The following CEP63 variants were observed in gnomAD, a reference collection of about 807,000 sequenced individuals.
CEP63 encodes centrosomal protein 63, also known as centrosomal protein of 63 kDa.
Under a neutral mutation model 89.1 loss-of-function variants are expected in CEP63, and 84 were observed. The ratio of observed to expected loss-of-function variants is 0.94; its 90% CI spans 0.79 to 1.13. CEP63 has a LOEUF of 1.13. CEP63 is among the 50% of genes most tolerant of loss of function. The pLI, the probability that CEP63 is intolerant of heterozygous loss-of-function variation, is 0.00. For synonymous variants in CEP63, 267 were observed against 272.5 expected (o/e 0.98, Z 0.20); for missense variants, 838 against 813.3 (o/e 1.03, Z -0.37).
chr3:134,718,553 G>T, the CEP63 span, among the ~76,000 whole-genome samples: 1 of 152,114 alleles, frequency 6.6e-6, no homozygotes, highest in South Asian at 2.1e-4. Context: ...TGCCCTGTGG[G>T]TTAGACAGAA....
chr3:134,521,487 C>G (rs1371562531), intron 3 of CEP63, among the ~76,000 whole-genome samples: 2 of 152,134 alleles, frequency 1.3e-5, no homozygotes, highest in African/African-American at 4.8e-5. Flanking sequence ...TTGAACATGA[C>G]TTAGCATGTT....
At chr3:134,701,285 C>T in the CEP63 span, among the ~76,000 whole-genome samples, 1 of 52,306 alleles carries the variant, frequency 1.9e-5, no homozygotes, top group African/African-American at 4.0e-5. Flanking sequence ...CACATATATA[C>T]GTATATATGT....
At chr3:134,647,325 G>A in the CEP63 span, 60 of 866,934 alleles carry the variant, frequency 6.9e-5, 1 homozygote, top group Admixed American at 4.0e-4. Context: ...GCCACTTTCC[G>A]TTCAGTGGTT....
the CEP63 span, among the ~76,000 whole-genome samples, chr3:134,609,643 C>G: frequency 6.6e-6 from 1 of 152,174 alleles, no homozygotes; most frequent in Non-Finnish European, 1.5e-5. Flanking sequence ...CAGAAATGCT[C>G]CAGTCCTCTG....
At chr3:134,707,189 G>T in the CEP63 span, among the ~76,000 whole-genome samples, 2 of 152,160 alleles carry the variant, frequency 1.3e-5, no homozygotes, top group Non-Finnish European at 2.9e-5. Flanking sequence ...TCCTAGAGTG[G>T]TAAGTCCTAC....
intron 1 of CEP63, among the ~76,000 whole-genome samples, chr3:134,486,960 G>A (rs1405583521): frequency 6.6e-6 from 1 of 152,156 alleles, no homozygotes; most frequent in Non-Finnish European, 1.5e-5. Flanking sequence ...CGTCCCTTAC[G>A]ACATCAGGAG....
chr3:134,556,581 G>A (rs1956231941), intron 12 of CEP63, among the ~76,000 whole-genome samples: 1 of 152,116 alleles, frequency 6.6e-6, no homozygotes, highest in South Asian at 2.1e-4. Context: ...TAAAGGCTTA[G>A]GATTCAGCAG....
the CEP63 span, among the ~76,000 whole-genome samples, chr3:134,782,323 G>C: frequency 6.6e-6 from 1 of 152,000 alleles, no homozygotes; most frequent in Non-Finnish European, 1.5e-5. Context: ...TTCTTTTTTT[G>C]GTGGGTAGAT....
At chr3:134,487,115 A>G (rs62269522) in intron 1 of CEP63, among the ~76,000 whole-genome samples, 3,332 of 152,348 alleles carry the variant, frequency 0.022, 59 homozygotes, top group South Asian at 0.048. Context: ...GCAGTATTGT[A>G]GGGTAGATGC....
chr3:134,575,092 A>G (rs1053666130), downstream of CEP63: 3 of 376,130 alleles, frequency 8.0e-6, no homozygotes, highest in South Asian at 4.3e-4. Context: ...AGGAATTTTC[A>G]TGCTAGAAAG....
the CEP63 span, among the ~76,000 whole-genome samples, chr3:134,619,622 A>C: frequency 6.6e-6 from 1 of 152,214 alleles, no homozygotes; most frequent in South Asian, 2.1e-4. Flanking sequence ...TGCAGCCCGA[A>C]GGCCTCATGC....
intron 1 of CEP63, among the ~76,000 whole-genome samples, chr3:134,488,335 C>T (rs142971650): frequency 2.0e-5 from 3 of 152,176 alleles, no homozygotes; most frequent in East Asian, 1.9e-4. Flanking sequence ...AGTGGTTGGC[C>T]GGGCGCGGTG....
chr3:134,571,169 A>T (rs1361309622), intron 11 of CEP63, among the ~76,000 whole-genome samples: 1 of 152,184 alleles, frequency 6.6e-6, no homozygotes, highest in Non-Finnish European at 1.5e-5. Context: ...CAGCAAGTCA[A>T]ATTCCCCAGA....
At chr3:134,544,205 T>C (rs1952687346) in intron 6 of CEP63, among the ~76,000 whole-genome samples, 1 of 152,200 alleles carries the variant, frequency 6.6e-6, no homozygotes, top group Non-Finnish European at 1.5e-5. Flanking sequence ...AGTAAAATTG[T>C]GTGATTTTAC....
chr3:134,664,840 G>T, the CEP63 span, among the ~76,000 whole-genome samples: 1 of 152,138 alleles, frequency 6.6e-6, no homozygotes. Context: ...TCTGAATTCA[G>T]CACTGGCTTG....
chr3:134,702,187 A>G, the CEP63 span, among the ~76,000 whole-genome samples: 2 of 152,156 alleles, frequency 1.3e-5, no homozygotes, highest in East Asian at 3.8e-4. Flanking sequence ...TGGGAGAACT[A>G]CAAACCACTG....
chr3:134,507,618 T>C (rs2108434143), intron 3 of CEP63, among the ~76,000 whole-genome samples: 1 of 152,302 alleles, frequency 6.6e-6, no homozygotes, highest in Non-Finnish European at 1.5e-5. Flanking sequence ...GGAAATTGCT[T>C]TTGGCTTCAC....
chr3:134,686,547 A>G, the CEP63 span, among the ~76,000 whole-genome samples: 1 of 152,112 alleles, frequency 6.6e-6, no homozygotes. Context: ...TGGGCCTTGA[A>G]GCTTTGCTTA....
chr3:134,744,478 C>T, the CEP63 span, among the ~76,000 whole-genome samples: 1 of 152,122 alleles, frequency 6.6e-6, no homozygotes, highest in Non-Finnish European at 1.5e-5. Context: ...CCACTGGGGG[C>T]CCAAGCAACT....
Sources: allele counts gnomAD v4.1 joint callset (sites outside exome capture counted in the v4.1 genomes callset), GRCh38; gene constraint gnomAD v4.1.1; transcripts MANE v1.5; gene names NCBI Gene and HGNC (gene_info 2026-07-23, HGNC 2026-07-21).